Variants in INSL6 observed in about 807,000 individuals in gnomAD.
INSL6 encodes insulin like 6.
INSL6 carries 16 observed loss-of-function variants against 9.4 expected under a neutral mutation model. That is an observed-to-expected ratio of 1.70 (90% CI 1.15 to 2.59). The LOEUF (loss-of-function observed/expected upper bound fraction) is 2.59, where lower values mean the gene tolerates loss of function less well. Ranked by LOEUF, INSL6 falls within the 30% of genes most tolerant of loss-of-function variation. The pLI is 0.00. For missense variants in INSL6, 391 were observed against 257.3 expected, an observed-to-expected ratio of 1.52 and a Z score of -3.56; for synonymous variants, 154 against 96.9, an observed-to-expected ratio of 1.59 and a Z score of -3.46.
chr9:4,995,195 T>C, the INSL6 span, among the ~76,000 whole-genome samples: 2 of 152,236 alleles, frequency 1.3e-5, no homozygotes. Context: ...TCTTCACTCA[T>C]ATCTTGGCCC....
At chr9:5,038,640 C>T in the INSL6 span, among the ~76,000 whole-genome samples, 4,901 of 148,486 alleles carry the variant, frequency 0.033, 147 homozygotes, top group South Asian at 0.044. Flanking sequence ...GCAGAGTATA[C>T]GCTGGTTGAA....
At chr9:5,084,261 A>G in the INSL6 span, among the ~76,000 whole-genome samples, 3 of 152,132 alleles carry the variant, frequency 2.0e-5, no homozygotes, top group Non-Finnish European at 4.4e-5. Flanking sequence ...GATATTTCCT[A>G]TCTGTATTTA....
chr9:5,074,447 C>T, the INSL6 span, among the ~76,000 whole-genome samples: 138 of 148,378 alleles, frequency 9.3e-4, no homozygotes, highest in African/African-American at 3.2e-3. Context: ...TTTGGTAATT[C>T]TAGCAACATT....
chr9:5,164,291 C>T (rs1824996921), intron 1 of INSL6, 26 bp from the exon 2 acceptor site: 26 of 1,421,976 alleles, frequency 1.8e-5, no homozygotes, highest in Middle Eastern at 1.8e-4. Context: ...AAAATAAATG[C>T]TCCTTTATTA....
At chr9:5,013,743 T>C in the INSL6 span, among the ~76,000 whole-genome samples, 1 of 152,236 alleles carries the variant, frequency 6.6e-6, no homozygotes, top group Non-Finnish European at 1.5e-5. Context: ...ATAATTATGA[T>C]CATTTTCTTC....
intron 1 of INSL6, among the ~76,000 whole-genome samples, chr9:5,177,800 C>G (rs1406855305): frequency 6.6e-6 from 1 of 152,104 alleles, no homozygotes; most frequent in Non-Finnish European, 1.5e-5. Flanking sequence ...AGAATCCAAA[C>G]AGTCCAGAGG....
the INSL6 span, chr9:5,112,682 A>G: frequency 1.1e-6 from 1 of 933,302 alleles, no homozygotes; most frequent in East Asian, 3.0e-5. Flanking sequence ...CGTCTCGGTC[A>G]TCCTGAATTT....
chr9:5,017,473 G>C, the INSL6 span, among the ~76,000 whole-genome samples: 1 of 152,044 alleles, frequency 6.6e-6, no homozygotes. Context: ...CATTTTTATA[G>C]TTTCTATGTC....
the INSL6 span, chr9:5,069,066 T>G: frequency 6.2e-7 from 1 of 1,603,206 alleles, no homozygotes; most frequent in Non-Finnish European, 8.5e-7. Flanking sequence ...TTACAAAAAA[T>G]GAGAATGAAG....
chr9:4,995,496 C>G, the INSL6 span, among the ~76,000 whole-genome samples: 2 of 152,208 alleles, frequency 1.3e-5, no homozygotes, highest in South Asian at 2.1e-4. Flanking sequence ...AGTTTCAATA[C>G]TATTTGTCAG....
chr9:5,111,170 G>A, the INSL6 span: 3 of 745,944 alleles, frequency 4.0e-6, no homozygotes. Flanking sequence ...TCGCACGGCA[G>A]CCACTCTCCA....
At chr9:5,106,259 A>T in the INSL6 span, among the ~76,000 whole-genome samples, 3 of 152,248 alleles carry the variant, frequency 2.0e-5, no homozygotes, top group Admixed American at 2.0e-4. Flanking sequence ...ACACTTCTCA[A>T]AAGAAGGCAT....
downstream of INSL6, among the ~76,000 whole-genome samples, chr9:5,159,177 T>A (rs1027905470): frequency 6.6e-6 from 1 of 151,824 alleles, no homozygotes; most frequent in Non-Finnish European, 1.5e-5. Flanking sequence ...AATAAAAATA[T>A]ACCAACCAAG....
intron 2 of INSL6, among the ~76,000 whole-genome samples, chr9:5,139,923 CAA>C (rs1272308543): frequency 6.6e-6 from 1 of 151,996 alleles, no homozygotes; most frequent in Non-Finnish European, 1.5e-5. Flanking sequence ...TTTTGGTGAA[CAA>C]AAATGTGTCA....
At chr9:5,160,150 T>C (rs1169118718), downstream of INSL6, among the ~76,000 whole-genome samples, 10 of 135,120 alleles carry the variant, frequency 7.4e-5, no homozygotes, top group South Asian at 2.1e-3. Context: ...CACTCCAGCC[T>C]GGGCAACAAG....
intron 2 of INSL6, among the ~76,000 whole-genome samples, chr9:5,140,731 AATTTT>A (rs758160106): frequency 2.6e-5 from 4 of 151,674 alleles, no homozygotes; most frequent in Non-Finnish European, 5.9e-5. Flanking sequence ...TTTTCCCCTT[AATTTT>A]AAGTTCAGGG....
At chr9:5,016,621 A>T in the INSL6 span, among the ~76,000 whole-genome samples, 3 of 152,222 alleles carry the variant, frequency 2.0e-5, no homozygotes, top group African/African-American at 7.2e-5. Context: ...ACAGCTTAAC[A>T]AATTTTCATA....
the INSL6 span, among the ~76,000 whole-genome samples, chr9:4,998,344 C>T: frequency 1.3e-5 from 2 of 151,930 alleles, no homozygotes; most frequent in Non-Finnish European, 2.9e-5. Flanking sequence ...GCAACTTCTG[C>T]CTCCCAGATT....
At chr9:5,140,715 AT>A (rs1554689072) in intron 2 of INSL6, among the ~76,000 whole-genome samples, 3 of 151,248 alleles carry the variant, frequency 2.0e-5, no homozygotes, top group African/African-American at 4.9e-5. Flanking sequence ...GTGGGGATTC[AT>A]TTTTTTTTCC....
Sources: allele counts gnomAD v4.1 joint callset (sites outside exome capture counted in the v4.1 genomes callset), GRCh38; gene constraint gnomAD v4.1.1; transcripts MANE v1.5; gene names NCBI Gene and HGNC (gene_info 2026-07-23, HGNC 2026-07-21).